The following ZNF654 variants were observed in gnomAD, a reference collection of about 807,000 sequenced individuals.
ZNF654 encodes melanoma-associated antigen.
Under a neutral mutation model 95.3 loss-of-function variants are expected in ZNF654, and 19 were observed. The ratio of observed to expected loss-of-function variants is 0.20; its 90% confidence interval spans 0.14 to 0.29. The LOEUF is 0.29. Ranked by LOEUF, ZNF654 falls within the 10% of genes least tolerant of loss-of-function variation. The probability of loss-of-function intolerance (pLI) is 1.00; values close to 1 mark genes in which losing one functional copy is unlikely to be tolerated. For missense variants in ZNF654, 1,046 were observed against 1,341.0 expected (o/e 0.78, Z 3.44); for synonymous variants, 413 against 457.9 (o/e 0.90, Z 1.25).
Position 88,096,305 on chromosome 3 carries a change from G to T in ZNF654, c.332+9903G>T, listed in dbSNP as rs960146458. Among the ~76,000 whole-genome samples the T allele has an allele frequency of 3.3e-5, 5 of 152,116 alleles. No individual in the cohort carries two copies. The South Asian group carries it at 8.3e-4, about 25-fold the overall frequency. On this transcript the variant is annotated intron_variant, in intron 2 of 8. Coordinates refer to ENST00000636215, the MANE Select transcript of ZNF654 (RefSeq NM_001350134.2). ...TAGAAATGGAGGGACAAAGGAAGAA[G>T]AAAGTATTACTAGAGCCCACAGACA...
intron 2 of ZNF654, among the ~76,000 whole-genome samples, chr3:88,112,414 C>T (rs1705147669): frequency 6.6e-6 from 1 of 151,758 alleles, no homozygotes; most frequent in African/African-American, 2.4e-5. Context: ...TTATAATTTT[C>T]CATGCTCATG....
intron 2 of ZNF654, among the ~76,000 whole-genome samples, chr3:88,110,175 T>C (rs1559716674): frequency 6.6e-6 from 1 of 152,148 alleles, no homozygotes; most frequent in Non-Finnish European, 1.5e-5. Flanking sequence ...GTTACTATTA[T>C]TGTGTTTTAT....
chr3:88,128,502 A>G (rs550750005), intron 4 of ZNF654, among the ~76,000 whole-genome samples: 174 of 152,188 alleles, frequency 1.1e-3, no homozygotes, highest in African/African-American at 3.8e-3. Flanking sequence ...GTTACTTGGA[A>G]CATATTTTAA....
intron 4 of ZNF654, among the ~76,000 whole-genome samples, chr3:88,126,526 G>A (rs1395407824): frequency 6.7e-6 from 1 of 148,480 alleles, no homozygotes; most frequent in Non-Finnish European, 1.5e-5. Context: ...TTTACAGAGA[G>A]TGTATTTTTG....
At chr3:88,094,664 A>G (rs1329436685) in intron 2 of ZNF654, among the ~76,000 whole-genome samples, 1 of 152,080 alleles carries the variant, frequency 6.6e-6, no homozygotes, top group Non-Finnish European at 1.5e-5. Context: ...TTATTCTTTA[A>G]AAGTTATTCT....
intron 1 of ZNF654, among the ~76,000 whole-genome samples, chr3:88,074,651 TTTC>T (rs1337114849): frequency 6.6e-6 from 1 of 152,194 alleles, no homozygotes; most frequent in Non-Finnish European, 1.5e-5. Flanking sequence ...TGTGTCTTAC[TTTC>T]TTAAGAGTCT....
At chr3:88,060,836 T>G (rs2107577726) in intron 1 of ZNF654, among the ~76,000 whole-genome samples, 1 of 152,182 alleles carries the variant, frequency 6.6e-6, no homozygotes, top group East Asian at 1.9e-4. Context: ...AAGAATTCCC[T>G]TACAAGCATT....
In ZNF654 at chr3:88,138,756, CA is replaced by C; in HGVS notation, c.1089del (p.Gln363HisfsTer13). 8.1e-7 allele frequency: 1 copy of C among 1,232,036 alleles called. No individual in the cohort carries two copies. Among genetic ancestry groups the C allele is most frequent in the Non-Finnish European group, 1.0e-6 (1 of 987,880 alleles). The allele number at this position is 1,232,036 out of a possible 1,614,324, so 76.3% of individuals were successfully genotyped here. A position where few individuals can be genotyped will look rare whatever the true frequency, so the allele number is the denominator to read the frequency against. Reference sequence around the variant, plus strand: ...TGTTGAAATATGTGGTTGTGCTCTACAACTCGACCTTCATGATGATCCCAAA... The same window carrying C: ...TGTTGAAATATGTGGTTGTGCTCTACACTCGACCTTCATGATGATCCCAAA... Reference protein sequence around the residue: ...ICVEICGCALQLDLHDDPKTK... With the variant: ...ICVEICGCALXLDLHDDPKTK... On this transcript the variant is annotated frameshift_variant, in exon 8 of 9. Transcript: ENST00000636215. LOFTEE classifies it high-confidence loss of function.
At chr3:88,059,878 C>T (rs1447776008) in intron 1 of ZNF654, among the ~76,000 whole-genome samples, 1 of 152,128 alleles carries the variant, frequency 6.6e-6, no homozygotes, top group Non-Finnish European at 1.5e-5. Context: ...CATTTGGCAC[C>T]TCTGGTAACA....
In ZNF654 at chr3:88,140,597, A is replaced by G; in HGVS notation, c.2928A>G (p.Ile976Met). 4 of 1,613,796 alleles carry G rather than the reference A, an allele frequency of 2.5e-6. No homozygotes were observed. The highest frequency in any genetic ancestry group is 3.4e-6 in the Non-Finnish European group (4 of 1,179,744). ...AAAATAATTGTAGTAGTAGTGATAT[A>G]GTCAATGGACACAGTGAAATAGAGC... ...NSENNCSSSD[I>M]VNGHSEIEQT... The change falls in exon 8 of 9, where the codon ATA becomes ATG. Residue 976 changes from isoleucine to methionine, a missense_variant. By Grantham distance (10) the Ile-to-Met change is conservative. Around this residue, in one of 9 missense-constraint regions of ZNF654, gnomAD observed 495 missense variants for 537.0 expected, o/e 0.92. Transcript: ENST00000636215.
chr3:88,091,710 T>C (rs1478048977), intron 2 of ZNF654, among the ~76,000 whole-genome samples: 2 of 152,140 alleles, frequency 1.3e-5, no homozygotes, highest in Admixed American at 6.5e-5. Flanking sequence ...CCTGTGCTGT[T>C]CTCATGATAG....
chr3:88,099,117 G>T (rs573191302), intron 2 of ZNF654, among the ~76,000 whole-genome samples: 2 of 152,292 alleles, frequency 1.3e-5, no homozygotes, highest in South Asian at 4.1e-4. Flanking sequence ...TCCTTAAGCT[G>T]ATAGGCAACT....
intron 3 of ZNF654, among the ~76,000 whole-genome samples, chr3:88,115,834 T>C (rs1423654864): frequency 6.6e-6 from 1 of 152,094 alleles, no homozygotes; most frequent in African/African-American, 2.4e-5. Flanking sequence ...GTTTTCGAGA[T>C]TCCCAATGAA....
chr3:88,092,528 T>G (rs1703804713), intron 2 of ZNF654, among the ~76,000 whole-genome samples: 1 of 152,078 alleles, frequency 6.6e-6, no homozygotes, highest in South Asian at 2.1e-4. Context: ...ATAACTTAGA[T>G]GAAGGAGCAG....
chr3:88,129,896 T>G (rs1364652515), intron 6 of ZNF654, 70 bp downstream of exon 6: 19 of 1,287,484 alleles, frequency 1.5e-5, no homozygotes, highest in Non-Finnish European at 1.9e-5. Flanking sequence ...AGTTTGAACT[T>G]TGTTTTTTAC....
intron 2 of ZNF654, among the ~76,000 whole-genome samples, chr3:88,091,810 G>C (rs1442327649): frequency 6.6e-6 from 1 of 152,150 alleles, no homozygotes; most frequent in Non-Finnish European, 1.5e-5. Flanking sequence ...ACATGCCTTT[G>C]TTCCTCCTTC....
Position 88,059,298 on chromosome 3 carries a change from C to T in ZNF654, c.-22C>T. 6.5e-7 allele frequency: 1 copy of T among 1,531,922 alleles called. No individual in the cohort carries two copies. Among genetic ancestry groups the T allele is most frequent in the African/African-American group, 1.4e-5 (1 of 72,634 alleles). The allele number at this position is 1,531,922 out of a possible 1,614,324, so 94.9% of individuals were successfully genotyped here. ...GGCGGCGGCGGCGCAGGGGCTGGTA[C>T]GCGCTGGGCGGCGAGAGCCTCATGG... On this transcript the variant is annotated 5_prime_UTR_variant, in exon 1 of 9. It adds an upstream start codon to the 5' untranslated region. Transcript: ENST00000636215.
intron 2 of ZNF654, among the ~76,000 whole-genome samples, chr3:88,096,359 C>A (rs1372961067): frequency 6.6e-6 from 1 of 151,888 alleles, no homozygotes; most frequent in East Asian, 1.9e-4. Context: ...GAAGCAGCAC[C>A]GATTTGTGTG....
chr3:88,107,258 CAT>C (rs1461975964), intron 2 of ZNF654, among the ~76,000 whole-genome samples: 4 of 152,102 alleles, frequency 2.6e-5, no homozygotes, highest in African/African-American at 7.2e-5. Flanking sequence ...TTATTGATGT[CAT>C]GTGTTTTTGC....
Sources: gnomAD v4.1 joint callset for allele counts (sites outside exome capture counted in the v4.1 genomes callset) on GRCh38, gnomAD v4.1.1 for gene constraint, gnomAD v4.1.1 regional missense constraint, MANE v1.5 for transcripts, NCBI Gene and HGNC (gene_info 2026-07-23, HGNC 2026-07-21) for gene names.